Variants in NLRP5 observed in about 807,000 individuals in gnomAD.
The protein encoded by NLRP5 is NACHT, LRR and PYD domains-containing protein 5.
A neutral mutation model predicts 113.1 loss-of-function variants in NLRP5; 93 were observed. The ratio of observed to expected loss-of-function variants is 0.82; its 90% CI spans 0.70 to 0.98. NLRP5 has a LOEUF of 0.98. NLRP5 is among the 50% of genes least tolerant of loss of function. The probability of loss-of-function intolerance (pLI) is 0.00; values close to 1 mark genes in which losing one functional copy is unlikely to be tolerated. For synonymous variants in NLRP5, 751 were observed against 600.7 expected, an observed-to-expected ratio of 1.25 and a Z score of -3.66; for missense variants, 1,808 against 1,514.3, an observed-to-expected ratio of 1.19 and a Z score of -3.22.
At chr19:55,997,085 A>G (rs566695221), upstream of NLRP5, among the ~76,000 whole-genome samples, 19 of 152,350 alleles carry the variant, frequency 1.2e-4, no homozygotes, top group Admixed American at 1.1e-3. Context: ...TCTGATGGCC[A>G]GTGATGATGA....
rs894614526 is a variant in NLRP5, at chr19:56,005,564, T to C, written c.442+1469T>C. 7.5e-5 allele frequency among the ~76,000 whole-genome samples: 9 copies of C among 119,602 alleles called. 1 individual carries two copies. Among genetic ancestry groups the C allele is most frequent in the South Asian group, 5.2e-4 (2 of 3,830 alleles). 78.5% of individuals were successfully genotyped at this position (119,602 alleles called of 152,430 possible). On this transcript the variant is annotated intron_variant, in intron 2 of 14. Transcript: ENST00000390649. ...CGCAGGTGGCATGCCTGTACACACATATATATTTATACACACACGCACACA... is the reference window on the plus strand; with the variant it reads ...CGCAGGTGGCATGCCTGTACACACACATATATTTATACACACACGCACACA...
At position 56,058,263 on chromosome 19, in the gene NLRP5, C is replaced by G. The variant is rs12462795; in HGVS notation, c.3323C>G (p.Ser1108Cys). The change falls in exon 14 of 15, where the codon TCT (serine) becomes TGT (cysteine). Residue 1108 changes from serine (S) to cysteine (C), a missense_variant. By Grantham distance (112) the Ser-to-Cys change is moderately radical. Coordinates refer to ENST00000390649, the MANE Select transcript of NLRP5 (RefSeq NM_153447.4). Reference sequence around the variant, plus strand: ...AGGTTGAAGGCATGTGGACTGACTTCTGATTGCTGTGAGGCACTCTCCTTG... The same window carrying G: ...AGGTTGAAGGCATGTGGACTGACTTGTGATTGCTGTGAGGCACTCTCCTTG... The G allele has an allele frequency of 0.15, 246,478 of 1,613,202 alleles. 20,525 individuals are homozygous for G. Among genetic ancestry groups the G allele is most frequent in the East Asian group, 0.34 (15,120 of 44,854 alleles).
intron 14 of NLRP5, 72 bp downstream of exon 14, chr19:56,058,482 C>G: frequency 7.1e-7 from 1 of 1,402,022 alleles, no homozygotes; most frequent in Non-Finnish European, 9.7e-7. Context: ...GGTGGAGAAG[C>G]AGTTTATGGG....
chr19:56,053,360 C>T (rs909273205), intron 12 of NLRP5, among the ~76,000 whole-genome samples: 2 of 152,084 alleles, frequency 1.3e-5, no homozygotes, highest in African/African-American at 4.8e-5. Flanking sequence ...CACACCATTG[C>T]ACTCCAGCAT....
chr19:56,017,980 T>G (rs1982471840), intron 4 of NLRP5, among the ~76,000 whole-genome samples: 1 of 152,162 alleles, frequency 6.6e-6, no homozygotes, highest in African/African-American at 2.4e-5. Context: ...CCACCATATA[T>G]CTAGCAAATC....
rs199735091 is a variant in NLRP5 at position 56,027,532 on chromosome 19, C to A, written c.1299C>A (p.Ser433=). 11 of 1,613,814 alleles carry A rather than the reference C, an allele frequency of 6.8e-6. No individual in the cohort carries two copies. Among genetic ancestry groups the A allele is most frequent in the Non-Finnish European group, 9.3e-6 (11 of 1,179,890 alleles). ...GTTACCTGTTAGTTAGAGGAATCTCCGGGGAACAAAGAATCCACTTGCTCC... is the reference window on the plus strand; with the variant it reads ...GTTACCTGTTAGTTAGAGGAATCTCAGGGGAACAAAGAATCCACTTGCTCC... Residue 433 remains serine (S), a synonymous_variant, in exon 7 of 15, where the codon TCC becomes TCA. Coordinates refer to ENST00000390649, the MANE Select transcript of NLRP5 (RefSeq NM_153447.4).
In NLRP5 at chr19:56,027,192, C is replaced by G. The variant is rs771929862; in HGVS notation, c.959C>G (p.Pro320Arg). ...ATGTTCTCCTACGTCTTCTTCCTCCCCGTTAGAGAGATGCAGCGGAAGAAG... is the reference window on the plus strand; with the variant it reads ...ATGTTCTCCTACGTCTTCTTCCTCCGCGTTAGAGAGATGCAGCGGAAGAAG... Residue 320 changes from proline to arginine, a missense_variant, in exon 7 of 15, where the codon CCC becomes CGC. Coordinates refer to ENST00000390649, the MANE Select transcript of NLRP5 (RefSeq NM_153447.4). 2.5e-6 allele frequency: 4 copies of G among 1,609,908 alleles called. No homozygotes were observed. Among genetic ancestry groups the G allele is most frequent in the Non-Finnish European group, 3.4e-6 (4 of 1,178,272 alleles).
intron 13 of NLRP5, among the ~76,000 whole-genome samples, chr19:56,054,129 G>T (rs979863015): frequency 2.0e-5 from 3 of 152,208 alleles, no homozygotes; most frequent in Non-Finnish European, 4.4e-5. Context: ...GTTGTAGTGT[G>T]AACAGTCTAG....
At chr19:56,048,023 TG>T (rs1458099115) in intron 11 of NLRP5, among the ~76,000 whole-genome samples, 4 of 152,260 alleles carry the variant, frequency 2.6e-5, no homozygotes, top group African/African-American at 9.6e-5. Flanking sequence ...TTGTTTCATC[TG>T]ATCTAAGAAT....
intron 9 of NLRP5, among the ~76,000 whole-genome samples, chr19:56,035,428 G>A (rs940212542): frequency 6.6e-6 from 1 of 152,222 alleles, no homozygotes; most frequent in African/African-American, 2.4e-5. Flanking sequence ...ATCGTGTGGG[G>A]TTTATCTGGG....
chr19:56,028,253 C>A lies in NLRP5; in HGVS notation c.2020C>A (p.Gln674Lys), dbSNP rs201021500. The change falls in exon 7 of 15, where the codon CAG becomes AAG. Residue 674 changes from glutamine (Q) to lysine (K), a missense_variant. Gln to Lys is a moderately conservative substitution (Grantham distance 53). Transcript: ENST00000390649. Reference sequence around the variant, plus strand: ...TCTGCACTGGGTCTCTCTGTTGGGTCAGCAGCCTAATGCCACCACCCCAGG... The same window carrying A: ...TCTGCACTGGGTCTCTCTGTTGGGTAAGCAGCCTAATGCCACCACCCCAGG... 1.2e-5 allele frequency: 19 copies of A among 1,613,806 alleles called. No individual in the cohort carries two copies. The African/African-American group carries it at 2.5e-4, about 22-fold the overall frequency.
chr19:56,055,764 C>G (rs1336999345), intron 13 of NLRP5, among the ~76,000 whole-genome samples: 1 of 151,572 alleles, frequency 6.6e-6, no homozygotes, highest in African/African-American at 2.4e-5. Flanking sequence ...CCAGGATGGT[C>G]TCAATCTCCT....
intron 8 of NLRP5, 121 bp from the exon 9 acceptor site, chr19:56,033,421 T>A: frequency 1.3e-6 from 1 of 777,956 alleles, no homozygotes; most frequent in Non-Finnish European, 2.2e-6. Context: ...ATTCGTTGTT[T>A]TAAAAGGAAA....
intron 3 of NLRP5, among the ~76,000 whole-genome samples, chr19:56,009,339 C>CAAAAAAAACA (rs1982088338): frequency 2.3e-5 from 1 of 44,304 alleles, no homozygotes; most frequent in Non-Finnish European, 3.9e-5. Context: ...GACTCCATCT[C>CAAAAAAAACA]AAAAAAAAAA....
intron 12 of NLRP5, among the ~76,000 whole-genome samples, chr19:56,052,420 C>A (rs1204915905): frequency 6.6e-6 from 1 of 152,126 alleles, no homozygotes; most frequent in African/African-American, 2.4e-5. Flanking sequence ...AGGCACCTGC[C>A]ACCATGCCCA....
chr19:55,998,716 ATATATATATATATGTG>A (rs1422095091), upstream of NLRP5, among the ~76,000 whole-genome samples: 344 of 123,048 alleles, frequency 2.8e-3, 2 homozygotes, highest in Middle Eastern at 4.2e-3. Flanking sequence ...GTGTGTGTGT[ATATATATATATATGTG>A]TATATATATA....
At chr19:56,026,286 T>A (rs907868326) in intron 6 of NLRP5, among the ~76,000 whole-genome samples, 3 of 151,884 alleles carry the variant, frequency 2.0e-5, no homozygotes, top group African/African-American at 7.3e-5. Flanking sequence ...CCCAGCACTT[T>A]GGGAGGCCGA....
chr19:56,037,901 G>A, intron 9 of NLRP5, 124 bp from the exon 10 acceptor site: 2 of 933,434 alleles, frequency 2.1e-6, no homozygotes, highest in South Asian at 3.4e-5. Flanking sequence ...CAGGCCCGGA[G>A]GCAGGAGCAG....
At position 56,061,655 on chromosome 19, in the gene NLRP5, G is replaced by T. The variant is rs773515303; in HGVS notation, c.*127G>T. 38 of 1,059,260 alleles carry T rather than the reference G, an allele frequency of 3.6e-5. No individual in the cohort carries two copies. In the South Asian group the frequency reaches 5.6e-4, roughly 16 times the overall value. 65.6% of individuals were successfully genotyped at this position (1,059,260 alleles called of 1,614,324 possible). A position where few individuals can be genotyped will look rare whatever the true frequency, so the allele number is the denominator to read the frequency against. ...GAGAATGATTTCTGATTCTCACAAA[G>T]CCCTCAATGGTAGTGATTCTTCTGT... On this transcript the variant is annotated 3_prime_UTR_variant, in exon 15 of 15. Transcript: ENST00000390649.
Sources: gnomAD v4.1 joint callset for allele counts (sites outside exome capture counted in the v4.1 genomes callset) on GRCh38, gnomAD v4.1.1 for gene constraint, MANE v1.5 for transcripts, NCBI Gene and HGNC (gene_info 2026-07-23, HGNC 2026-07-21) for gene names.